SYT14: variants seen among roughly 807,000 people sequenced by gnomAD.
SYT14 encodes the protein synaptotagmin 14, also known as synaptotagmin-14.
A neutral mutation model predicts 74.2 loss-of-function variants in SYT14; 32 were observed. The observed-to-expected ratio is 0.43, with a 90% CI of 0.33 to 0.58. The LOEUF (loss-of-function observed/expected upper bound fraction) is 0.58. SYT14 is among the 20% of genes least tolerant of loss of function. The probability of loss-of-function intolerance (pLI) is 0.05; values close to 1 mark genes in which losing one functional copy is unlikely to be tolerated. For missense variants in SYT14, 791 were observed against 981.8 expected (o/e 0.81, Z 2.60); for synonymous variants, 298 against 337.7 (o/e 0.88, Z 1.29).
At chr1:210,081,841 G>A (rs1377051834) in intron 5 of SYT14, among the ~76,000 whole-genome samples, 6 of 152,168 alleles carry the variant, frequency 3.9e-5, no homozygotes, top group Non-Finnish European at 5.9e-5. Flanking sequence ...ACTATAGTTT[G>A]TAGGAAGTTT....
chr1:210,100,159 C>T, exon 7 of SYT14: 1 of 1,614,022 alleles, frequency 6.2e-7, no homozygotes, highest in Non-Finnish European at 8.5e-7. Context: ...CACAGACATC[C>T]CAACATATAA....
At chr1:210,076,259 T>C (rs1025343879) in intron 5 of SYT14, among the ~76,000 whole-genome samples, 1 of 152,210 alleles carries the variant, frequency 6.6e-6, no homozygotes, top group Non-Finnish European at 1.5e-5. Flanking sequence ...TTTAAGGTGC[T>C]CTTACTAATA....
In SYT14 at chr1:210,107,402, C is replaced by T. The variant is rs191149999; in HGVS notation, c.2034+6941C>T. 2.1e-3 allele frequency among the ~76,000 whole-genome samples: 315 copies of T among 152,254 alleles called. 1 individual carries two copies. Among genetic ancestry groups the T allele is most frequent in the Non-Finnish European group, 2.4e-3 (163 of 68,024 alleles). ...AAACCATATCATTCTACCCTTGGCC[C>T]CTCCCACATCTTATGTCCTCACAAT... On this transcript the variant is annotated intron_variant, in intron 7 of 9. Coordinates refer to ENST00000637265, the Ensembl canonical transcript of SYT14.
chr1:210,021,066 A>G, exon 5 of SYT14: 1 of 1,613,994 alleles, frequency 6.2e-7, no homozygotes, highest in Non-Finnish European at 8.5e-7. Flanking sequence ...AAAGATGAGC[A>G]TGGTTCATCC....
chr1:210,111,546 G>A (rs1409964750), intron 7 of SYT14, among the ~76,000 whole-genome samples: 1 of 151,202 alleles, frequency 6.6e-6, no homozygotes, highest in African/African-American at 2.5e-5. Flanking sequence ...AATGGGCAAT[G>A]TTTCTCAGGG....
At chr1:209,999,553 A>G (rs1321586160) in intron 2 of SYT14, among the ~76,000 whole-genome samples, 1 of 152,170 alleles carries the variant, frequency 6.6e-6, no homozygotes, top group Non-Finnish European at 1.5e-5. Flanking sequence ...AATTTACACA[A>G]TGGAATACTA....
chr1:210,114,788 G>A (rs1473052900), intron 7 of SYT14, among the ~76,000 whole-genome samples: 1 of 151,166 alleles, frequency 6.6e-6, no homozygotes, highest in African/African-American at 2.5e-5. Context: ...TGGACCAGGT[G>A]TGAGGAGGGG....
At chr1:210,153,789 G>A (rs2083215447) in intron 7 of SYT14, among the ~76,000 whole-genome samples, 1 of 152,146 alleles carries the variant, frequency 6.6e-6, no homozygotes, top group Non-Finnish European at 1.5e-5. Flanking sequence ...CTCCACTACA[G>A]TGTTGACTAA....
intron 2 of SYT14, chr1:209,965,819 C>G (rs746195508): frequency 4.7e-6 from 2 of 421,580 alleles, no homozygotes; most frequent in Non-Finnish European, 4.7e-6. Context: ...TGTGAAATGC[C>G]TTTATCCTTT....
intron 5 of SYT14, among the ~76,000 whole-genome samples, chr1:210,023,489 G>A (rs896877124): frequency 2.0e-5 from 3 of 151,920 alleles, no homozygotes; most frequent in Non-Finnish European, 2.9e-5. Context: ...GATTACAGGC[G>A]CCTGCCACCA....
intron 8 of SYT14, among the ~76,000 whole-genome samples, chr1:210,156,623 A>T (rs1169942811): frequency 2.0e-5 from 3 of 146,436 alleles, no homozygotes; most frequent in African/African-American, 7.6e-5. Flanking sequence ...TGAAATTGTC[A>T]CCCAATATAC....
chr1:210,141,033 T>A (rs2082903125), intron 7 of SYT14, among the ~76,000 whole-genome samples: 2 of 141,122 alleles, frequency 1.4e-5, no homozygotes, highest in African/African-American at 5.9e-5. Flanking sequence ...TAGGATTGAC[T>A]TCTTTGTTTC....
At chr1:210,105,871 C>G (rs765219495) in intron 7 of SYT14, among the ~76,000 whole-genome samples, 1 of 152,166 alleles carries the variant, frequency 6.6e-6, no homozygotes, top group Non-Finnish European at 1.5e-5. Context: ...CACTCTTGCT[C>G]TCTTCATGTG....
intron 1 of SYT14, among the ~76,000 whole-genome samples, chr1:209,952,064 GCTTA>G (rs766331894): frequency 9.2e-5 from 14 of 152,064 alleles, no homozygotes; most frequent in Non-Finnish European, 1.8e-4. Flanking sequence ...CAACTCGGGT[GCTTA>G]CTTTGTGACA....
At chr1:209,940,633 A>G (rs2078715869) in intron 1 of SYT14, among the ~76,000 whole-genome samples, 1 of 152,148 alleles carries the variant, frequency 6.6e-6, no homozygotes, top group African/African-American at 2.4e-5. Context: ...ATTTGGCCGA[A>G]TATCTGCCAT....
At chr1:210,095,273 A>G (rs2081949301) in intron 6 of SYT14, among the ~76,000 whole-genome samples, 1 of 152,158 alleles carries the variant, frequency 6.6e-6, no homozygotes, top group African/African-American at 2.4e-5. Flanking sequence ...ATTTACTTTC[A>G]AGTGTTTTTG....
At chr1:210,151,513 C>CCCCCT (rs397863025) in intron 7 of SYT14, among the ~76,000 whole-genome samples, 3 of 131,306 alleles carry the variant, frequency 2.3e-5, no homozygotes, top group African/African-American at 5.5e-5. Context: ...TGCCCCCCCC[C>CCCCCT]TTTTTTTTTT....
chr1:210,134,206 G>A (rs758738417), intron 7 of SYT14, among the ~76,000 whole-genome samples: 6 of 151,922 alleles, frequency 3.9e-5, no homozygotes, highest in South Asian at 2.1e-4. Context: ...AGGCTCAAGC[G>A]ATCCTCCCAC....
chr1:210,148,712 AAAAG>A (rs1160789636), intron 7 of SYT14, among the ~76,000 whole-genome samples: 3 of 152,296 alleles, frequency 2.0e-5, no homozygotes, highest in African/African-American at 7.2e-5. Flanking sequence ...GAGTCCCCTT[AAAAG>A]AAAGAAAGAG....
Sources: allele counts gnomAD v4.1 joint callset (sites outside exome capture counted in the v4.1 genomes callset), GRCh38; gene constraint gnomAD v4.1.1; transcripts MANE v1.5; gene names NCBI Gene and HGNC (gene_info 2026-07-23, HGNC 2026-07-21).